KCNIP4: variants seen among roughly 807,000 people sequenced by gnomAD.
The protein encoded by KCNIP4 is Kv channel-interacting protein 4.
In KCNIP4, 12 loss-of-function variants were observed where a neutral mutation model predicts 34.0. That is an observed-to-expected ratio of 0.35 (90% CI 0.23 to 0.57). The LOEUF (loss-of-function observed/expected upper bound fraction) is 0.57. Among genes scored for constraint, KCNIP4 ranks in the 20% least tolerant of loss-of-function variants. The probability of loss-of-function intolerance (pLI) is 0.83; values close to 1 mark genes in which losing one functional copy is unlikely to be tolerated. For synonymous variants in KCNIP4, 124 were observed against 102.2 expected, an observed-to-expected ratio of 1.21 and a Z score of -1.29; for missense variants, 238 against 311.7, an observed-to-expected ratio of 0.76 and a Z score of 1.78.
chr4:20,796,772 A>G (rs571061256), intron 3 of KCNIP4, among the ~76,000 whole-genome samples: 1 of 152,326 alleles, frequency 6.6e-6, no homozygotes, highest in East Asian at 1.9e-4. Context: ...TGCATAAAAT[A>G]GGTACAATGA....
chr4:21,860,902 G>C (rs1309901847), intron 1 of KCNIP4, among the ~76,000 whole-genome samples: 1 of 152,076 alleles, frequency 6.6e-6, no homozygotes, highest in Non-Finnish European at 1.5e-5. Flanking sequence ...AGAAAATTCT[G>C]AAATTTTTTT....
At chr4:21,040,795 A>G (rs1413880774) in intron 1 of KCNIP4, among the ~76,000 whole-genome samples, 1 of 152,114 alleles carries the variant, frequency 6.6e-6, no homozygotes, top group African/African-American at 2.4e-5. Flanking sequence ...GAAAAGTAAG[A>G]AGACGAAAAT....
chr4:20,878,338 G>A (rs1724289959), intron 2 of KCNIP4, among the ~76,000 whole-genome samples: 1 of 151,976 alleles, frequency 6.6e-6, no homozygotes, highest in South Asian at 2.1e-4. Flanking sequence ...AATAAACCAT[G>A]GCCCTTTCCT....
At chr4:20,959,730 AAC>A (rs1231067170) in intron 1 of KCNIP4, among the ~76,000 whole-genome samples, 2 of 152,152 alleles carry the variant, frequency 1.3e-5, no homozygotes, top group African/African-American at 4.8e-5. Context: ...TGAACCCTTC[AAC>A]ACAGAAACCT....
At chr4:21,311,982 T>C (rs1230352944) in intron 1 of KCNIP4, among the ~76,000 whole-genome samples, 1 of 152,158 alleles carries the variant, frequency 6.6e-6, no homozygotes. Context: ...CTAGTCTTAT[T>C]TGGTCTAGTT....
At chr4:20,851,032 A>G (rs1304660866) in intron 2 of KCNIP4, among the ~76,000 whole-genome samples, 1 of 146,838 alleles carries the variant, frequency 6.8e-6, no homozygotes. Context: ...AGTAACATAT[A>G]TTTCTTTTTT....
At chr4:21,765,873 G>A (rs888881354) in intron 1 of KCNIP4, among the ~76,000 whole-genome samples, 2 of 148,136 alleles carry the variant, frequency 1.4e-5, no homozygotes, top group African/African-American at 4.9e-5. Flanking sequence ...GACAGAAAGA[G>A]AGAGACAGAT....
At chr4:21,586,728 G>C (rs1187773661) in intron 1 of KCNIP4, among the ~76,000 whole-genome samples, 1 of 152,040 alleles carries the variant, frequency 6.6e-6, no homozygotes, top group African/African-American at 2.4e-5. Context: ...TGAAGAGAAA[G>C]TATGTTTAGC....
intron 1 of KCNIP4, among the ~76,000 whole-genome samples, chr4:21,033,337 T>G (rs866520498): frequency 4.6e-5 from 7 of 152,308 alleles, no homozygotes; most frequent in African/African-American, 4.8e-5. Flanking sequence ...TCATAGGTTT[T>G]CCATTTACAA....
Position 20,730,076 on chromosome 4 carries a change from G to GACAAGTTAAATCACATTTTCAAAGAGCT in KCNIP4, c.731_*5dup. 1 of 1,607,318 alleles carries GACAAGTTAAATCACATTTTCAAAGAGCT rather than the reference G, an allele frequency of 6.2e-7. No individual in the cohort carries two copies. The highest frequency in any genetic ancestry group is 8.5e-7 in the Non-Finnish European group (1 of 1,177,738). On this transcript the variant is annotated 3_prime_UTR_variant, in exon 9 of 9. Coordinates refer to ENST00000382152, the MANE Select transcript of KCNIP4 (RefSeq NM_025221.6). Reference sequence around the variant, plus strand: ...TGTCTGTTGGATTCAGGATCTATTTGACAAGTTAAATCACATTTTCAAAGA... The same window carrying GACAAGTTAAATCACATTTTCAAAGAGCT: ...TGTCTGTTGGATTCAGGATCTATTTGACAAGTTAAATCACATTTTCAAAGAGCTACAAGTTAAATCACATTTTCAAAGA...
chr4:21,900,806 A>C (rs748778724), intron 1 of KCNIP4, among the ~76,000 whole-genome samples: 4 of 152,162 alleles, frequency 2.6e-5, no homozygotes, highest in Non-Finnish European at 4.4e-5. Context: ...CAGTAAGTAC[A>C]TGCTTCAGAT....
Position 21,516,517 on chromosome 4 carries a change from G to T in KCNIP4, c.61+432054C>A, listed in dbSNP as rs190168638. ...TCAAACTCCCCAAACTAAATTGGTT[G>T]TTGACATCTGTCAGAGTCACTAATC... On this transcript the variant is annotated intron_variant, in intron 1 of 8. Transcript: ENST00000382152. Among the ~76,000 whole-genome samples the T allele has an allele frequency of 4.7e-3, 715 of 152,236 alleles. 10 individuals carry two copies. The highest frequency in any genetic ancestry group is 3.1e-3 in the Non-Finnish European group (210 of 68,008).
intron 1 of KCNIP4, among the ~76,000 whole-genome samples, chr4:21,408,950 A>C (rs1376799132): frequency 6.6e-6 from 1 of 152,194 alleles, no homozygotes; most frequent in Non-Finnish European, 1.5e-5. Flanking sequence ...TTCACTGTCA[A>C]AAATGGCAAC....
chr4:21,152,394 C>G (rs1165173552), intron 1 of KCNIP4, among the ~76,000 whole-genome samples: 3 of 152,132 alleles, frequency 2.0e-5, no homozygotes, highest in Non-Finnish European at 4.4e-5. Flanking sequence ...TTCTTCCATT[C>G]TCTCATTTTT....
At chr4:21,300,506 A>G (rs1276790037) in intron 1 of KCNIP4, among the ~76,000 whole-genome samples, 1 of 152,196 alleles carries the variant, frequency 6.6e-6, no homozygotes, top group African/African-American at 2.4e-5. Context: ...AATGTAATAA[A>G]TATTAATGGA....
Position 21,948,727 on chromosome 4 carries a change from C to A in KCNIP4, c.-96G>T. The A allele has an allele frequency of 7.7e-7, 1 of 1,295,192 alleles. No homozygotes were observed. Among genetic ancestry groups the A allele is most frequent in the African/African-American group, 1.5e-5 (1 of 65,964 alleles). 80.2% of individuals were successfully genotyped at this position (1,295,192 alleles called of 1,614,324 possible). ...CACGGGAGCGCACCGCCGCTCGGCC[C>A]GGGGGCGTCCGTGGCGCTGGGAGCG... On this transcript the variant is annotated 5_prime_UTR_variant, in exon 1 of 9. Transcript: ENST00000382152.
intron 7 of KCNIP4, 121 bp downstream of exon 7, chr4:20,732,560 C>G (rs1748580758): frequency 4.3e-6 from 3 of 693,438 alleles, no homozygotes; most frequent in Admixed American, 5.0e-5. Flanking sequence ...ATGCTAAATA[C>G]TGTTTTGTTT....
rs151336866 is a variant in KCNIP4 at position 20,807,031 on chromosome 4, A to G, written c.288+43512T>C. On this transcript the variant is annotated intron_variant, in intron 3 of 8. Transcript: ENST00000382152. ...AATATAGATGAGAATTCTGCTCCATATGGAATAAACTCACATCATTGTGAG... is the reference window on the plus strand; with the variant it reads ...AATATAGATGAGAATTCTGCTCCATGTGGAATAAACTCACATCATTGTGAG... Among the ~76,000 whole-genome samples the G allele has an allele frequency of 1.1e-4, 16 of 152,210 alleles. No homozygotes were observed. In the East Asian group the frequency reaches 3.1e-3, roughly 29 times the overall value.
intron 3 of KCNIP4, among the ~76,000 whole-genome samples, chr4:20,759,559 A>C (rs1175242170): frequency 6.6e-6 from 1 of 152,136 alleles, no homozygotes; most frequent in Non-Finnish European, 1.5e-5. Flanking sequence ...TGATCTTGGG[A>C]ACTACACCCA....
Sources: allele counts gnomAD v4.1 joint callset (sites outside exome capture counted in the v4.1 genomes callset), GRCh38; gene constraint gnomAD v4.1.1; transcripts MANE v1.5; gene names NCBI Gene and HGNC (gene_info 2026-07-23, HGNC 2026-07-21).